QTMAN: variants seen among roughly 807,000 people sequenced by gnomAD.
The protein encoded by QTMAN is tRNA-queuosine alpha-mannosyltransferase.
the QTMAN span, chr2:143,952,812 G>A: frequency 4.3e-6 from 7 of 1,609,204 alleles, no homozygotes; most frequent in Non-Finnish European, 6.0e-6. Flanking sequence ...TTAGGACAAA[G>A]TGGGTAACAC....
chr2:144,039,874 G>T, the QTMAN span, among the ~76,000 whole-genome samples: 92 of 152,266 alleles, frequency 6.0e-4, no homozygotes, highest in African/African-American at 2.2e-3. Context: ...GTGGGCTGAA[G>T]GTTTAGGAAC....
At chr2:144,006,050 T>C in the QTMAN span, 1 of 152,130 alleles carries the variant, frequency 6.6e-6, no homozygotes, top group Admixed American at 6.5e-5. Context: ...CTAGACCCAC[T>C]GCATTTTAAA....
At chr2:144,088,625 A>C in the QTMAN span, among the ~76,000 whole-genome samples, 1 of 152,128 alleles carries the variant, frequency 6.6e-6, no homozygotes, top group Non-Finnish European at 1.5e-5. Context: ...AAATTGGCAT[A>C]TAGATCAATG....
chr2:144,300,884 C>CA, the QTMAN span, among the ~76,000 whole-genome samples: 3 of 152,210 alleles, frequency 2.0e-5, no homozygotes, highest in South Asian at 6.2e-4. Flanking sequence ...ATGAGTAATG[C>CA]AAATTTGTGA....
the QTMAN span, among the ~76,000 whole-genome samples, chr2:144,174,290 TTCC>T: frequency 6.6e-6 from 1 of 152,120 alleles, no homozygotes; most frequent in Non-Finnish European, 1.5e-5. Context: ...CCACTCTGGA[TTCC>T]TCCTCCTTGC....
At chr2:144,096,560 T>C in the QTMAN span, among the ~76,000 whole-genome samples, 5 of 152,266 alleles carry the variant, frequency 3.3e-5, no homozygotes, top group Admixed American at 1.3e-4. Flanking sequence ...TAGTGTCATG[T>C]GTACAGGCTA....
At chr2:143,995,364 G>A in the QTMAN span, among the ~76,000 whole-genome samples, 1 of 151,994 alleles carries the variant, frequency 6.6e-6, no homozygotes, top group Middle Eastern at 3.2e-3. Context: ...TAACCAATAA[G>A]AGACAGTGGG....
chr2:144,285,307 C>T, the QTMAN span, among the ~76,000 whole-genome samples: 15 of 152,080 alleles, frequency 9.9e-5, no homozygotes, highest in African/African-American at 3.1e-4. Flanking sequence ...TTTTATCATT[C>T]TGGGTCATTA....
chr2:144,218,821 TACTGGATTTAG>T, the QTMAN span, among the ~76,000 whole-genome samples: 56 of 149,964 alleles, frequency 3.7e-4, no homozygotes, highest in South Asian at 4.8e-3. Flanking sequence ...GAGTATAAGG[TACTGGATTTAG>T]ACTGGATTTA....
chr2:144,053,634 A>C, the QTMAN span, among the ~76,000 whole-genome samples: 9 of 152,306 alleles, frequency 5.9e-5, no homozygotes, highest in African/African-American at 1.9e-4. Context: ...TCTCAGAATA[A>C]ATCATTTGTG....
the QTMAN span, among the ~76,000 whole-genome samples, chr2:144,201,041 C>T: frequency 6.6e-6 from 1 of 151,890 alleles, no homozygotes; most frequent in Non-Finnish European, 1.5e-5. Context: ...AGGGATAAAA[C>T]GATAAACAAG....
chr2:144,172,715 G>C, the QTMAN span, among the ~76,000 whole-genome samples: 1 of 150,556 alleles, frequency 6.6e-6, no homozygotes, highest in Non-Finnish European at 1.5e-5. Flanking sequence ...GAAAAACACA[G>C]TAGATAAAAT....
the QTMAN span, among the ~76,000 whole-genome samples, chr2:144,100,746 G>T: frequency 1.3e-5 from 2 of 151,044 alleles, no homozygotes; most frequent in Admixed American, 1.3e-4. Flanking sequence ...AATTAGACAT[G>T]AACTTAGAAA....
At chr2:144,164,097 AT>A in the QTMAN span, among the ~76,000 whole-genome samples, 1 of 151,826 alleles carries the variant, frequency 6.6e-6, no homozygotes, top group Admixed American at 6.6e-5. Context: ...TAATTTTTGT[AT>A]TTTTATTAGA....
At chr2:143,998,505 C>T in the QTMAN span, among the ~76,000 whole-genome samples, 9 of 149,078 alleles carry the variant, frequency 6.0e-5, no homozygotes, top group Admixed American at 1.3e-4. Context: ...TATGACTGAC[C>T]GAGTAAAAAA....
the QTMAN span, among the ~76,000 whole-genome samples, chr2:144,017,345 A>T: frequency 6.6e-6 from 1 of 152,162 alleles, no homozygotes; most frequent in Non-Finnish European, 1.5e-5. Flanking sequence ...AAAAAAATTT[A>T]AAGATTTGTG....
chr2:144,007,561 A>T, the QTMAN span: 3 of 1,431,534 alleles, frequency 2.1e-6, no homozygotes, highest in Non-Finnish European at 1.9e-6. Context: ...AATGCAATAT[A>T]CTTTTAGTGG....
chr2:144,162,729 A>T, the QTMAN span, among the ~76,000 whole-genome samples: 8 of 152,192 alleles, frequency 5.3e-5, no homozygotes, highest in Non-Finnish European at 1.5e-5. Context: ...GTAGGAGCCC[A>T]AACAGCTGTG....
At chr2:143,972,858 A>C in the QTMAN span, among the ~76,000 whole-genome samples, 2 of 152,168 alleles carry the variant, frequency 1.3e-5, no homozygotes, top group African/African-American at 4.8e-5. Flanking sequence ...GCACTGTCTC[A>C]ATTATTTTAT....
Sources: allele counts gnomAD v4.1 joint callset (sites outside exome capture counted in the v4.1 genomes callset), GRCh38; gene constraint gnomAD v4.1.1; transcripts MANE v1.5; gene names NCBI Gene and HGNC (gene_info 2026-07-23, HGNC 2026-07-21).